GABRA3: variants seen among roughly 807,000 people sequenced by gnomAD.
GABRA3 encodes gamma-aminobutyric acid type A receptor subunit alpha3.
A neutral mutation model predicts 30.1 loss-of-function variants in GABRA3; 10 were observed. That is an observed-to-expected ratio of 0.33 (90% CI 0.20 to 0.56). GABRA3 has a LOEUF of 0.56. Ranked by LOEUF, GABRA3 falls within the 20% of genes least tolerant of loss-of-function variation. The pLI, the probability that GABRA3 is intolerant of heterozygous loss-of-function variation, is 0.89. For synonymous variants in GABRA3, 151 were observed against 146.8 expected, an observed-to-expected ratio of 1.03 and a Z score of -0.21; for missense variants, 233 against 392.0, an observed-to-expected ratio of 0.59 and a Z score of 3.42.
At chrX:152,351,458 T>A (rs1940477660) in intron 2 of GABRA3, among the ~76,000 whole-genome samples, 1 of 111,932 alleles carries the variant, frequency 8.9e-6, no homozygotes, top group African/African-American at 3.2e-5. Context: ...CTCCACTAGC[T>A]TCAAACTTTT....
intron 1 of GABRA3, among the ~76,000 whole-genome samples, chrX:152,403,681 T>C (rs927092248): frequency 1.8e-5 from 2 of 110,131 alleles, no homozygotes; most frequent in Non-Finnish European, 3.8e-5. Context: ...CCTGATATAC[T>C]ATACTTCTTA....
chrX:152,171,881 T>TTTA (rs746071264), intron 9 of GABRA3, among the ~76,000 whole-genome samples: 64 of 111,855 alleles, frequency 5.7e-4, no homozygotes, highest in African/African-American at 2.0e-3. Context: ...CAATGAAAAC[T>TTTA]TTTATAGAGA....
At chrX:152,374,636 C>A (rs1010108749) in intron 1 of GABRA3, among the ~76,000 whole-genome samples, 1 of 111,654 alleles carries the variant, frequency 9.0e-6, no homozygotes, top group African/African-American at 3.3e-5. Context: ...AGGCGTGAGC[C>A]ACCGCGCTTG....
At chrX:152,335,458 T>C (rs1325067700) in intron 3 of GABRA3, among the ~76,000 whole-genome samples, 1 of 111,412 alleles carries the variant, frequency 9.0e-6, no homozygotes, top group Non-Finnish European at 1.9e-5. Flanking sequence ...AGGAGAAAAC[T>C]GAAAGATACA....
At chrX:152,217,100 T>C (rs1217818203) in intron 6 of GABRA3, among the ~76,000 whole-genome samples, 1 of 111,607 alleles carries the variant, frequency 9.0e-6, no homozygotes, top group Non-Finnish European at 1.9e-5. Flanking sequence ...AAACTTTTAT[T>C]ATTCACAATG....
intron 1 of GABRA3, among the ~76,000 whole-genome samples, chrX:152,433,551 A>G (rs1001184915): frequency 9.1e-6 from 1 of 110,014 alleles, no homozygotes; most frequent in Non-Finnish European, 1.9e-5. Context: ...GGGTAGTTAC[A>G]GCATTAAATC....
At chrX:152,448,494 G>A (rs1194050098) in intron 1 of GABRA3, among the ~76,000 whole-genome samples, 1 of 111,398 alleles carries the variant, frequency 9.0e-6, no homozygotes, top group African/African-American at 3.3e-5. Context: ...ATATGTCCAA[G>A]ATAATCAGCA....
chrX:152,388,315 T>G (rs1929382319), intron 1 of GABRA3, among the ~76,000 whole-genome samples: 1 of 111,739 alleles, frequency 8.9e-6, no homozygotes, highest in Non-Finnish European at 1.9e-5. Flanking sequence ...GTTCAATCAA[T>G]GAGTGCCCAC....
intron 5 of GABRA3, among the ~76,000 whole-genome samples, chrX:152,227,138 C>T (rs1432294565): frequency 1.0e-4 from 11 of 109,105 alleles, no homozygotes; most frequent in East Asian, 3.0e-4. Flanking sequence ...AACCCAAATG[C>T]CCAACAATGA....
chrX:152,295,516 T>C (rs1167921464), intron 3 of GABRA3, among the ~76,000 whole-genome samples: 1 of 113,148 alleles, frequency 8.8e-6, no homozygotes, highest in Admixed American at 9.3e-5. Context: ...GCATGGGATA[T>C]AATCTCCTGC....
chrX:152,332,805 C>T (rs1172399456), intron 3 of GABRA3, among the ~76,000 whole-genome samples: 1 of 112,209 alleles, frequency 8.9e-6, no homozygotes, highest in African/African-American at 3.2e-5. Context: ...AGGACCCAGG[C>T]CCTAGTGTTT....
At chrX:152,274,139 G>A (rs1476752662) in intron 4 of GABRA3, among the ~76,000 whole-genome samples, 1 of 111,093 alleles carries the variant, frequency 9.0e-6, no homozygotes, top group African/African-American at 3.3e-5. Context: ...ATCTTGAGTG[G>A]AAAAAGTAAC....
rs187788678 is a variant in GABRA3, at chrX:152,421,524, A to G, written c.-27+29622T>C. ...AACTAAAAAGTATTAACCATAAAGT[A>G]AAAGTCTGATCAACTAGACTAAATT... is the stretch of plus-strand genomic sequence containing the variant. On this transcript the variant is annotated intron_variant, in intron 1 of 9. Coordinates refer to ENST00000370314, the MANE Select transcript of GABRA3 (RefSeq NM_000808.4). Among the ~76,000 whole-genome samples the G allele has an allele frequency of 3.2e-4, 36 of 111,782 alleles. No individual in the cohort carries two copies. In the East Asian group the frequency reaches 0.01, roughly 31 times the overall value.
chrX:152,249,533 G>C (rs1467750920), intron 5 of GABRA3, among the ~76,000 whole-genome samples: 2 of 110,822 alleles, frequency 1.8e-5, no homozygotes, highest in African/African-American at 6.6e-5. Flanking sequence ...CTCATCTTCA[G>C]CCTTGCCTTC....
At chrX:152,363,553 T>C (rs912581767) in intron 2 of GABRA3, among the ~76,000 whole-genome samples, 1 of 111,331 alleles carries the variant, frequency 9.0e-6, no homozygotes, top group African/African-American at 3.3e-5. Flanking sequence ...CCACTTCTCC[T>C]CATGAGGTCA....
chrX:152,255,613 G>A (rs748630667), intron 5 of GABRA3, among the ~76,000 whole-genome samples, 165 bp downstream of exon 5: 15 of 112,262 alleles, frequency 1.3e-4, no homozygotes, highest in Non-Finnish European at 2.4e-4. Context: ...GAATATATAT[G>A]TCTGTGAGTA....
At position 152,167,026 on chromosome X, in the gene GABRA3, T is replaced by G. The variant is rs141889429; in HGVS notation, c.*1202A>C. The G allele has an allele frequency of 2.9e-4, 32 of 111,948 alleles. No homozygotes were observed. Among genetic ancestry groups the G allele is most frequent in the Non-Finnish European group, 4.9e-4 (26 of 53,254 alleles). The allele number at this position is 111,948 out of a possible 1,213,427, so 9.2% of individuals were successfully genotyped here. A position where few individuals can be genotyped will look rare whatever the true frequency, so the allele number is the denominator to read the frequency against. On this transcript the variant is annotated 3_prime_UTR_variant, in exon 10 of 10. Coordinates refer to ENST00000370314, the MANE Select transcript of GABRA3 (RefSeq NM_000808.4). ...CAAATGGCCTCTAAATAATATATTATAAAATTGGCAATAAAGTTAATGATC... is the reference window on the plus strand; with the variant it reads ...CAAATGGCCTCTAAATAATATATTAGAAAATTGGCAATAAAGTTAATGATC...
intron 3 of GABRA3, among the ~76,000 whole-genome samples, chrX:152,330,842 A>T (rs771411203): frequency 5.4e-5 from 6 of 111,800 alleles, no homozygotes; most frequent in African/African-American, 2.0e-4. Flanking sequence ...AGAACTTAAA[A>T]GTATAATAAA....
chrX:152,262,733 C>A (rs938293545), intron 4 of GABRA3, among the ~76,000 whole-genome samples: 9 of 111,661 alleles, frequency 8.1e-5, no homozygotes, highest in African/African-American at 2.9e-4. Context: ...CAAACTTTCC[C>A]ACATTTTTCT....
Sources: allele counts gnomAD v4.1 joint callset (sites outside exome capture counted in the v4.1 genomes callset), GRCh38; gene constraint gnomAD v4.1.1; transcripts MANE v1.5; gene names NCBI Gene and HGNC (gene_info 2026-07-23, HGNC 2026-07-21).